Variants in RP1L1 observed in about 807,000 individuals in gnomAD.
The protein encoded by RP1L1 is retinitis pigmentosa 1-like 1 protein.
Under a neutral mutation model 15.7 loss-of-function variants are expected in RP1L1, and 27 were observed. That is an observed-to-expected ratio of 1.72 (90% CI 1.27 to 2.38). The LOEUF (loss-of-function observed/expected upper bound fraction) is 2.38, where lower values mean the gene tolerates loss of function less well. Ranked by LOEUF, RP1L1 falls within the 30% of genes most tolerant of loss-of-function variation. The pLI is 0.00. For missense variants in RP1L1, 4,798 were observed against 3,075.9 expected (o/e 1.56, Z -13.24); for synonymous variants, 1,813 against 1,276.7 (o/e 1.42, Z -8.96).
Position 10,606,875 on chromosome 8 carries a change from G to A in RP1L1, c.*20C>T, listed in dbSNP as rs747957828. 6.2e-6 allele frequency: 10 copies of A among 1,613,908 alleles called. No homozygotes were observed. Among genetic ancestry groups the A allele is most frequent in the Non-Finnish European group, 8.5e-6 (10 of 1,180,018 alleles). On this transcript the variant is annotated 3_prime_UTR_variant, in exon 4 of 4. Transcript: ENST00000382483. ...AAACAGAGCTCCCAAGCTCGTGATT[G>A]TTTTCTAGCTTGATCTTGTCTAGAA...
At chr8:10,646,428 G>C (rs1312106733) in intron 1 of RP1L1, among the ~76,000 whole-genome samples, 1 of 152,166 alleles carries the variant, frequency 6.6e-6, no homozygotes, top group African/African-American at 2.4e-5. Flanking sequence ...AGCCGTTTAG[G>C]CATCCTAAAT....
At chr8:10,621,423 T>TC in intron 2 of RP1L1, 1 of 267,156 alleles carries the variant, frequency 3.7e-6, no homozygotes, top group South Asian at 3.7e-5. Flanking sequence ...CCTCCCAGGT[T>TC]CCAGCAATTC....
Position 10,606,812 on chromosome 8 carries a change from C to A in RP1L1, c.*83G>T, listed in dbSNP as rs1285197901. 2 of 1,600,026 alleles carry A rather than the reference C, an allele frequency of 1.2e-6. No individual in the cohort carries two copies. Among genetic ancestry groups the A allele is most frequent in the African/African-American group, 2.7e-5 (2 of 74,800 alleles). ...ATGTACTATGGACATCTCCAGTGGA[C>A]TGAACGTTGCTCAGTTTTGTAGAAA... On this transcript the variant is annotated 3_prime_UTR_variant, in exon 4 of 4. Coordinates refer to ENST00000382483, the MANE Select transcript of RP1L1 (RefSeq NM_178857.6).
chr8:10,611,819 G>A lies in RP1L1; in HGVS notation c.2279C>T (p.Ala760Val), dbSNP rs543510287. ...SGVSPHNAPSAGWAGDAGSRT... is the reference protein window; with the variant it reads ...SGVSPHNAPSVGWAGDAGSRT... Reference sequence around the variant, plus strand: ...GGACCCCGCGTCCCCTGCCCACCCGGCAGAGGGAGCGTTGTGCGGGGAGAC... The same window carrying A: ...GGACCCCGCGTCCCCTGCCCACCCGACAGAGGGAGCGTTGTGCGGGGAGAC... Residue 760 changes from alanine (A) to valine (V), a missense_variant, in exon 4 of 4, where the codon GCC becomes GTC. By Grantham distance (64) the Ala-to-Val change is moderately conservative. Transcript: ENST00000382483. The A allele has an allele frequency of 1.4e-5, 23 of 1,613,692 alleles. No individual in the cohort carries two copies. The African/African-American group carries it at 2.7e-4, about 19-fold the overall frequency.
rs112609335 is a variant in RP1L1 at position 10,622,758 on chromosome 8, A to C, written c.444T>G (p.Leu148=). Residue 148 remains leucine (L), a synonymous_variant, in exon 2 of 4, where the codon CTT becomes CTG. Transcript: ENST00000382483. ...TCAGCAGTATCCTCCGGGGGGTTTT[A>C]AGACTCTTCCGGGAGGAGGAGGTGC... The part of the protein sequence containing the change: ...APGTSSSRKS[L]KTPRRILLIK... 6,370 of 1,613,960 alleles carry C rather than the reference A, an allele frequency of 3.9e-3. 81 individuals carry two copies. Among genetic ancestry groups the C allele is most frequent in the South Asian group, 0.027 (2,492 of 91,060 alleles).
Position 10,607,583 on chromosome 8 carries a change from T to G in RP1L1, c.6515A>C (p.Glu2172Ala), listed in dbSNP as rs202011039. Reference sequence around the variant, plus strand: ...TACACCTTCTAACTCTGGTTGGGCCTCCTCTTCAGCCTCCTGGGCCTCTAT... The same window carrying G: ...TACACCTTCTAACTCTGGTTGGGCCGCCTCTTCAGCCTCCTGGGCCTCTAT... Reference protein sequence around the residue: ...EGIEAQEAEEEAQPELEGVEA... With the variant: ...EGIEAQEAEEAAQPELEGVEA... The change falls in exon 4 of 4, where the codon GAG becomes GCG. Residue 2172 changes from glutamate (E) to alanine (A), a missense_variant. Transcript: ENST00000382483. 6.4e-7 allele frequency: 1 copy of G among 1,565,234 alleles called. No individual in the cohort carries two copies. Among genetic ancestry groups the G allele is most frequent in the African/African-American group, 1.4e-5 (1 of 71,826 alleles).
chr8:10,653,098 T>C (rs564799141), intron 1 of RP1L1, among the ~76,000 whole-genome samples: 4 of 152,278 alleles, frequency 2.6e-5, no homozygotes, highest in South Asian at 4.2e-4. Context: ...GCTCAAGAGA[T>C]ATTGTTGACA....
At chr8:10,646,067 A>G (rs146416414) in intron 1 of RP1L1, among the ~76,000 whole-genome samples, 150 of 152,228 alleles carry the variant, frequency 9.9e-4, no homozygotes, top group Non-Finnish European at 1.6e-3. Context: ...CTGCACTTCC[A>G]AACTTAGAGT....
rs367556246 is a variant in RP1L1, at chr8:10,610,185, C to T, written c.3913G>A (p.Glu1305Lys). 1.5e-6 allele frequency: 2 copies of T among 1,311,146 alleles called. No individual in the cohort carries two copies. The highest frequency in any genetic ancestry group is 2.0e-6 in the Non-Finnish European group (2 of 990,210). 81.2% of individuals were successfully genotyped at this position (1,311,146 alleles called of 1,614,324 possible). ...TCTCCTTCTGTTCCTTCTTTAGTTTCCTCTAATTGCACCTCTTCTTGCACT... is the reference window on the plus strand; with the variant it reads ...TCTCCTTCTGTTCCTTCTTTAGTTTTCTCTAATTGCACCTCTTCTTGCACT... ...NTVQEEVQLE[E>K]TKEGTEGEGL... is the part of the protein sequence containing the mutation. Residue 1305 changes from glutamate to lysine, a missense_variant, in exon 4 of 4, where the codon GAA becomes AAA. By Grantham distance (56) the Glu-to-Lys change is moderately conservative. Transcript: ENST00000382483.
chr8:10,632,996 T>G (rs1282498630), intron 1 of RP1L1, among the ~76,000 whole-genome samples: 1 of 152,190 alleles, frequency 6.6e-6, no homozygotes, highest in Non-Finnish European at 1.5e-5. Flanking sequence ...GGAGCACCAG[T>G]GCCTTGGGGG....
intron 1 of RP1L1, among the ~76,000 whole-genome samples, chr8:10,643,657 T>C (rs1338371696): frequency 6.6e-6 from 1 of 152,072 alleles, no homozygotes; most frequent in African/African-American, 2.4e-5. Context: ...AGCTGGAATG[T>C]GGTCTTTCCT....
At position 10,607,729 on chromosome 8, in the gene RP1L1, C is replaced by A; in HGVS notation, c.6369G>T (p.Gly2123=). The change falls in exon 4 of 4, where the codon GGG becomes GGT. Residue 2123 remains glycine, a synonymous_variant. Coordinates refer to ENST00000382483, the MANE Select transcript of RP1L1 (RefSeq NM_178857.6). The stretch of plus-strand genomic sequence containing the variant: ...TACCTTCTGACTCTGGCTGGGCCTC[C>A]CCTTCAGTCTCTGGGGCCTCTATAC... ...AEGIEAPETE[G]EAQPESEGIE... 6.2e-7 allele frequency: 1 copy of A among 1,604,972 alleles called. No homozygotes were observed. Among genetic ancestry groups the A allele is most frequent in the Non-Finnish European group, 8.5e-7 (1 of 1,177,708 alleles).
chr8:10,649,117 G>A (rs73541411), intron 1 of RP1L1, among the ~76,000 whole-genome samples: 4,753 of 152,284 alleles, frequency 0.031, 243 homozygotes, highest in African/African-American at 0.11. Context: ...GAAAATTCCC[G>A]GATTCACCAC....
At chr8:10,613,453 T>G (rs1202153247) in intron 3 of RP1L1, 107 bp from the exon 4 acceptor site, 19 of 1,472,148 alleles carry the variant, frequency 1.3e-5, no homozygotes, top group Non-Finnish European at 1.7e-5. Context: ...GACCTCAGCA[T>G]CACCACTGCC....
intron 1 of RP1L1, among the ~76,000 whole-genome samples, chr8:10,623,988 C>T (rs971449769): frequency 6.6e-6 from 1 of 152,074 alleles, no homozygotes; most frequent in Non-Finnish European, 1.5e-5. Flanking sequence ...CCTCCATGTC[C>T]CCGGCATCAC....
rs779524451 is a variant in RP1L1, at chr8:10,608,286, C to T, written c.5812G>A (p.Ala1938Thr). ...GCCTCTTCTGCCTCTTGGGCCTCTG[C>T]ACCTTCTGACTCTGGCTCGTCCTCC... ...EGEDEPESEG[A>T]EAQEAEEAAQ... Residue 1938 changes from alanine to threonine, a missense_variant, in exon 4 of 4, where the codon GCA becomes ACA. By Grantham distance (58) the Ala-to-Thr change is moderately conservative. Coordinates refer to ENST00000382483, the MANE Select transcript of RP1L1 (RefSeq NM_178857.6). 6.3e-7 allele frequency: 1 copy of T among 1,597,626 alleles called. No individual in the cohort carries two copies. Among genetic ancestry groups the T allele is most frequent in the Non-Finnish European group, 8.6e-7 (1 of 1,168,338 alleles).
At chr8:10,636,339 G>A (rs1036948494) in intron 1 of RP1L1, among the ~76,000 whole-genome samples, 5 of 152,214 alleles carry the variant, frequency 3.3e-5, no homozygotes, top group African/African-American at 7.2e-5. Context: ...GTCTGCAGGC[G>A]GCCAGACCCG....
intron 2 of RP1L1, among the ~76,000 whole-genome samples, chr8:10,617,778 G>A (rs1057201101): frequency 1.3e-5 from 2 of 151,970 alleles, no homozygotes; most frequent in Admixed American, 6.5e-5. Flanking sequence ...GGATGGTCTC[G>A]ATCTCCTGAC....
intron 3 of RP1L1, among the ~76,000 whole-genome samples, chr8:10,615,803 A>C (rs1252095892): frequency 1.3e-5 from 2 of 152,188 alleles, no homozygotes; most frequent in Non-Finnish European, 2.9e-5. Flanking sequence ...TGGCCTCCCA[A>C]GTTGCTAGGA....
Sources: allele counts gnomAD v4.1 joint callset (sites outside exome capture counted in the v4.1 genomes callset), GRCh38; gene constraint gnomAD v4.1.1; transcripts MANE v1.5; gene names NCBI Gene and HGNC (gene_info 2026-07-23, HGNC 2026-07-21).